Variants in SLIT3 observed in about 807,000 individuals in gnomAD.
The protein encoded by SLIT3 is slit homolog 3 protein.
SLIT3 carries 68 observed loss-of-function variants against 184.0 expected under a neutral mutation model. That is an observed-to-expected ratio of 0.37 (90% CI 0.30 to 0.45). The LOEUF (loss-of-function observed/expected upper bound fraction) is 0.45. SLIT3 is among the 20% of genes least tolerant of loss of function. The pLI is 1.00. For synonymous variants in SLIT3, 831 were observed against 828.6 expected, an observed-to-expected ratio of 1.00 and a Z score of -0.05; for missense variants, 1,707 against 2,026.0, an observed-to-expected ratio of 0.84 and a Z score of 3.02.
chr5:169,065,385 C>A (rs993388929), intron 4 of SLIT3, among the ~76,000 whole-genome samples: 1 of 152,212 alleles, frequency 6.6e-6, no homozygotes, highest in East Asian at 1.9e-4. Context: ...GAAGCCATCA[C>A]ACAGAGCAGA....
chr5:169,221,912 G>A (rs1764630610), intron 3 of SLIT3, among the ~76,000 whole-genome samples: 1 of 152,186 alleles, frequency 6.6e-6, no homozygotes, highest in South Asian at 2.1e-4. Context: ...GATGTACAGA[G>A]ATTGCTTTAC....
At chr5:169,126,022 T>A (rs1184630870) in intron 4 of SLIT3, among the ~76,000 whole-genome samples, 2 of 152,174 alleles carry the variant, frequency 1.3e-5, no homozygotes, top group Admixed American at 1.3e-4. Flanking sequence ...GCTCATCTCA[T>A]GGTGGCAGGT....
chr5:168,838,487 C>A (rs1260761962), intron 6 of SLIT3, among the ~76,000 whole-genome samples: 1 of 152,122 alleles, frequency 6.6e-6, no homozygotes, highest in Non-Finnish European at 1.5e-5. Flanking sequence ...ATTATTGTAC[C>A]ATGGTACTAT....
intron 34 of SLIT3, 123 bp from the exon 35 acceptor site, chr5:168,670,114 T>C: frequency 1.3e-6 from 1 of 791,156 alleles, no homozygotes; most frequent in Non-Finnish European, 2.1e-6. Flanking sequence ...TAGCTTTCTC[T>C]GTTTCCTAGG....
chr5:169,290,858 G>C (rs1295325171), intron 1 of SLIT3, among the ~76,000 whole-genome samples: 1 of 152,056 alleles, frequency 6.6e-6, no homozygotes, highest in Non-Finnish European at 1.5e-5. Flanking sequence ...ACATGCTAGG[G>C]CATACGCTAG....
chr5:169,082,146 A>G (rs1049145680), intron 4 of SLIT3, among the ~76,000 whole-genome samples: 1 of 152,222 alleles, frequency 6.6e-6, no homozygotes, highest in Non-Finnish European at 1.5e-5. Context: ...GGGACTCCAC[A>G]GGCCGTAGAC....
chr5:168,988,194 C>A (rs1374831957), intron 4 of SLIT3, among the ~76,000 whole-genome samples: 1 of 152,200 alleles, frequency 6.6e-6, no homozygotes, highest in Non-Finnish European at 1.5e-5. Flanking sequence ...AAACGGGAAG[C>A]CCTGTGTCCT....
intron 4 of SLIT3, among the ~76,000 whole-genome samples, chr5:169,116,183 TATTTATTATTGC>T (rs1355148704): frequency 6.6e-6 from 1 of 152,148 alleles, no homozygotes; most frequent in African/African-American, 2.4e-5. Context: ...TTTATTATTG[TATTTATTATTGC>T]AATAATTATT....
intron 16 of SLIT3, among the ~76,000 whole-genome samples, chr5:168,756,109 A>T (rs1392253499): frequency 2.6e-5 from 4 of 152,252 alleles, no homozygotes; most frequent in Admixed American, 2.6e-4. Flanking sequence ...CACAGAGCAC[A>T]CGAAAGCTGG....
intron 23 of SLIT3, 180 bp from the exon 24 acceptor site, chr5:168,712,534 G>A: frequency 1.6e-6 from 1 of 611,162 alleles, no homozygotes. Flanking sequence ...CAGCTCAGCA[G>A]CAAGGATGGA....
chr5:169,300,692 T>C lies in SLIT3; in HGVS notation c.18A>G (p.Ala6=), dbSNP rs1581154585. MAPGW[A]GVGAAVRARL... ...GGGCGCGCACGGCGGCGCCGACCCC[T>C]GCCCACCCGGGGGCCATGGTGTGCA... The change falls in exon 1 of 36, where the codon GCA becomes GCG. Residue 6 remains alanine (A), a synonymous_variant. Transcript: ENST00000519560. This position sits in a 1 kb window ranked among gnomAD's most constrained non-coding sequence, Gnocchi z 4.1. The C allele has an allele frequency of 2.9e-6, 4 of 1,373,444 alleles. No homozygotes were observed. The highest frequency in any genetic ancestry group is 3.4e-5 in the South Asian group (2 of 59,134). 85.1% of individuals were successfully genotyped at this position (1,373,444 alleles called of 1,614,324 possible).
intron 4 of SLIT3, among the ~76,000 whole-genome samples, chr5:169,180,988 C>T (rs1763134091): frequency 6.6e-6 from 1 of 152,132 alleles, no homozygotes; most frequent in African/African-American, 2.4e-5. Flanking sequence ...GAGAGCTCTC[C>T]CTGGAGGCCA....
chr5:169,238,543 C>T (rs896282031), intron 3 of SLIT3, among the ~76,000 whole-genome samples: 27 of 117,126 alleles, frequency 2.3e-4, no homozygotes, highest in Admixed American at 3.6e-4. Flanking sequence ...AGTGAAATAG[C>T]TTTTTTTTTT....
chr5:168,957,358 C>G (rs183769645), intron 4 of SLIT3, among the ~76,000 whole-genome samples: 1 of 152,124 alleles, frequency 6.6e-6, no homozygotes, highest in Non-Finnish European at 1.5e-5. Flanking sequence ...AGCCACTGTG[C>G]CCAGCCCCTT....
At chr5:168,732,980 A>G (rs1763332012) in intron 20 of SLIT3, among the ~76,000 whole-genome samples, 1 of 152,176 alleles carries the variant, frequency 6.6e-6, no homozygotes, top group Admixed American at 6.5e-5. Context: ...GACTTAAACT[A>G]AAAAGCTTCT....
intron 4 of SLIT3, among the ~76,000 whole-genome samples, chr5:169,059,063 A>C (rs893030536): frequency 6.6e-6 from 1 of 152,202 alleles, no homozygotes. Flanking sequence ...ATTTTCAAGC[A>C]TGAGCTCCAA....
chr5:168,679,012 G>T lies in SLIT3; in HGVS notation c.3686+4954C>A, dbSNP rs188940267. The stretch of plus-strand genomic sequence containing the variant: ...GCTGGACGCATCCTGCCTGGAACTG[G>T]CATAACCACAGGCATTGGCCAGAGT... On this transcript the variant is annotated intron_variant, in intron 32 of 35. Coordinates refer to ENST00000519560, the MANE Select transcript of SLIT3 (RefSeq NM_003062.4). Among the ~76,000 whole-genome samples, 43 of 152,320 alleles carry T rather than the reference G, an allele frequency of 2.8e-4. No individual in the cohort carries two copies. In the East Asian group the frequency reaches 5.6e-3, roughly 20 times the overall value.
At chr5:168,672,061 AT>A (rs1316349888) in intron 33 of SLIT3, among the ~76,000 whole-genome samples, 1 of 152,082 alleles carries the variant, frequency 6.6e-6, no homozygotes, top group Non-Finnish European at 1.5e-5. Flanking sequence ...TAAAGACCTA[AT>A]TTGCTTTTCA....
rs1035606797 is a variant in SLIT3 at position 168,800,759 on chromosome 5, C to T, written c.936-5181G>A. ...CCTACAGAAAGCAGAGGTACAGACA[C>T]AGCACAGAGCCAGATTTGCTTTGCT... On this transcript the variant is annotated intron_variant, in intron 9 of 35. Coordinates refer to ENST00000519560, the MANE Select transcript of SLIT3 (RefSeq NM_003062.4). Among the ~76,000 whole-genome samples, 5 of 152,328 alleles carry T rather than the reference C, an allele frequency of 3.3e-5. No individual in the cohort carries two copies. In the South Asian group the frequency reaches 6.2e-4, roughly 19 times the overall value.
Sources: gnomAD v4.1 joint callset for allele counts (sites outside exome capture counted in the v4.1 genomes callset) on GRCh38, gnomAD v4.1.1 for gene constraint, Gnocchi (gnomAD v3.1) non-coding constraint, MANE v1.5 for transcripts, NCBI Gene and HGNC (gene_info 2026-07-23, HGNC 2026-07-21) for gene names.